Variants in CNTNAP2 observed in about 807,000 individuals in gnomAD.
CNTNAP2 encodes the protein contactin-associated protein-like 2.
In CNTNAP2, 98 loss-of-function variants were observed where a neutral mutation model predicts 155.2. The observed-to-expected ratio is 0.63, with a 90% CI of 0.54 to 0.75. The LOEUF (loss-of-function observed/expected upper bound fraction) is 0.75, where lower values mean the gene tolerates loss of function less well. Among genes scored for constraint, CNTNAP2 ranks in the 30% least tolerant of loss-of-function variants. The pLI, the probability that CNTNAP2 is intolerant of heterozygous loss-of-function variation, is 0.00. For synonymous variants in CNTNAP2, 651 were observed against 631.2 expected, an observed-to-expected ratio of 1.03 and a Z score of -0.47; for missense variants, 1,727 against 1,688.1, an observed-to-expected ratio of 1.02 and a Z score of -0.40.
chr7:146,729,284 A>G (rs1348096809), intron 1 of CNTNAP2, among the ~76,000 whole-genome samples: 1 of 152,160 alleles, frequency 6.6e-6, no homozygotes, highest in African/African-American at 2.4e-5. Flanking sequence ...TTTCAATTAA[A>G]ATAGAGGCAT....
intron 4 of CNTNAP2, among the ~76,000 whole-genome samples, chr7:147,084,415 A>AT (rs1207957554): frequency 7.9e-6 from 1 of 126,802 alleles, no homozygotes; most frequent in East Asian, 2.3e-4. Context: ...TAATACATAT[A>AT]TGCATAATGC....
In CNTNAP2 at chr7:148,244,815, A is replaced by T. The variant is rs140334371; in HGVS notation, c.3381+15036A>T. Among the ~76,000 whole-genome samples, 18 of 152,072 alleles carry T rather than the reference A, an allele frequency of 1.2e-4. No homozygotes were observed. The East Asian group carries it at 3.1e-3, about 26-fold the overall frequency. ...TGAGCTCAGGCAATCTGCCCACCTCAGCTTCCCAAAGTGCAGGGGTTACAG... is the reference window on the plus strand; with the variant it reads ...TGAGCTCAGGCAATCTGCCCACCTCTGCTTCCCAAAGTGCAGGGGTTACAG... On this transcript the variant is annotated intron_variant, in intron 20 of 23. Coordinates refer to ENST00000361727, the MANE Select transcript of CNTNAP2 (RefSeq NM_014141.6).
intron 1 of CNTNAP2, among the ~76,000 whole-genome samples, chr7:146,320,569 T>C (rs539943051): frequency 1.3e-5 from 2 of 152,324 alleles, no homozygotes; most frequent in East Asian, 3.9e-4. Context: ...AATCTGACTC[T>C]ATGATCAGAA....
chr7:148,020,969 C>T (rs181243455), intron 15 of CNTNAP2, among the ~76,000 whole-genome samples: 2 of 152,318 alleles, frequency 1.3e-5, no homozygotes, highest in East Asian at 1.9e-4. Flanking sequence ...ATCATTGAAT[C>T]GGTTACTGAA....
At chr7:147,466,955 C>T (rs1798131082) in intron 10 of CNTNAP2, among the ~76,000 whole-genome samples, 1 of 152,190 alleles carries the variant, frequency 6.6e-6, no homozygotes, top group Non-Finnish European at 1.5e-5. Flanking sequence ...TAATTACACA[C>T]TTCTGCCTTG....
intron 4 of CNTNAP2, among the ~76,000 whole-genome samples, chr7:147,103,667 A>G (rs1337916087): frequency 6.6e-6 from 1 of 151,958 alleles, no homozygotes; most frequent in Non-Finnish European, 1.5e-5. Flanking sequence ...TATTTTTTAT[A>G]AAAGAAGTCT....
In CNTNAP2 at chr7:146,613,621, A is replaced by G. The variant is rs184729577; in HGVS notation, c.98-160650A>G. Among the ~76,000 whole-genome samples, 596 of 152,316 alleles carry G rather than the reference A, an allele frequency of 3.9e-3. 2 individuals are homozygous for G. Among genetic ancestry groups the G allele is most frequent in the African/African-American group, 0.014 (567 of 41,590 alleles). ...AAAATATGATTTTTACATCTGTTCA[A>G]TATGAGAACTATAGGTAGGATGTTG... On this transcript the variant is annotated intron_variant, in intron 1 of 23. Transcript: ENST00000361727.
chr7:147,907,356 A>T (rs904477250), intron 14 of CNTNAP2, among the ~76,000 whole-genome samples: 4 of 152,150 alleles, frequency 2.6e-5, no homozygotes, highest in African/African-American at 7.2e-5. Context: ...GCGCCCAGCC[A>T]TGAATGTTTT....
chr7:147,531,927 CT>C (rs1799440194), intron 11 of CNTNAP2, among the ~76,000 whole-genome samples: 1 of 151,860 alleles, frequency 6.6e-6, no homozygotes, highest in African/African-American at 2.4e-5. Flanking sequence ...CTGCCTCAGC[CT>C]CCCGAGTAGC....
chr7:146,374,504 G>T (rs1183890453), intron 1 of CNTNAP2, among the ~76,000 whole-genome samples: 1 of 152,150 alleles, frequency 6.6e-6, no homozygotes, highest in African/African-American at 2.4e-5. Context: ...ATTCACTTTA[G>T]CTGTGAGGAA....
chr7:148,399,531 C>G (rs971516751), intron 22 of CNTNAP2, among the ~76,000 whole-genome samples: 3 of 152,148 alleles, frequency 2.0e-5, no homozygotes, highest in Non-Finnish European at 4.4e-5. Flanking sequence ...GATAAACTTG[C>G]TTTAGAGATT....
intron 13 of CNTNAP2, among the ~76,000 whole-genome samples, chr7:147,826,928 AT>A (rs34322489): frequency 0.18 from 22,247 of 123,712 alleles, 1,164 homozygotes; most frequent in South Asian, 0.26. Context: ...AGCTGAATAC[AT>A]TTTTTTTTTT....
At chr7:146,940,201 T>C (rs1797021431) in intron 3 of CNTNAP2, among the ~76,000 whole-genome samples, 1 of 152,084 alleles carries the variant, frequency 6.6e-6, no homozygotes, top group Non-Finnish European at 1.5e-5. Context: ...TTTTTTATTT[T>C]TATTATTTAT....
At chr7:146,940,694 T>TACACAC (rs1164645688) in intron 3 of CNTNAP2, among the ~76,000 whole-genome samples, 19 of 125,806 alleles carry the variant, frequency 1.5e-4, no homozygotes, top group Non-Finnish European at 2.9e-4. Flanking sequence ...AATATATATA[T>TACACAC]ATACACACAC....
rs554071485 is a variant in CNTNAP2 at position 147,342,905 on chromosome 7, C to T, written c.1498+42615C>T. Among the ~76,000 whole-genome samples the T allele has an allele frequency of 1.3e-4, 20 of 152,196 alleles. No individual in the cohort carries two copies. In the South Asian group the frequency reaches 3.5e-3, roughly 27 times the overall value. ...AATGAGCCCCTCCACTGTATTCCTT[C>T]CTTTATATATATAATACATATATGT... On this transcript the variant is annotated intron_variant, in intron 9 of 23. Coordinates refer to ENST00000361727, the MANE Select transcript of CNTNAP2 (RefSeq NM_014141.6).
chr7:146,722,349 T>G (rs1314441008), intron 1 of CNTNAP2, among the ~76,000 whole-genome samples: 1 of 152,104 alleles, frequency 6.6e-6, no homozygotes, highest in Non-Finnish European at 1.5e-5. Flanking sequence ...TTCCAGACAC[T>G]AATACCCTGG....
At chr7:147,292,605 A>G (rs1805338787) in intron 8 of CNTNAP2, among the ~76,000 whole-genome samples, 1 of 152,186 alleles carries the variant, frequency 6.6e-6, no homozygotes, top group African/African-American at 2.4e-5. Flanking sequence ...TGGAGGAATC[A>G]GGGTGGAACT....
chr7:147,921,461 A>G (rs911679625), intron 14 of CNTNAP2, among the ~76,000 whole-genome samples: 8 of 152,238 alleles, frequency 5.3e-5, no homozygotes, highest in Admixed American at 3.9e-4. Context: ...CACAGAAGCT[A>G]TCTCATTTCC....
chr7:146,616,194 G>A (rs1172315670), intron 1 of CNTNAP2, among the ~76,000 whole-genome samples: 2 of 152,020 alleles, frequency 1.3e-5, no homozygotes, highest in Admixed American at 1.3e-4. Flanking sequence ...GAGAAAAGGA[G>A]GGAATCACAA....
Sources: gnomAD v4.1 joint callset for allele counts (sites outside exome capture counted in the v4.1 genomes callset) on GRCh38, gnomAD v4.1.1 for gene constraint, MANE v1.5 for transcripts, NCBI Gene and HGNC (gene_info 2026-07-23, HGNC 2026-07-21) for gene names.